The following LTBP1 variants were observed in gnomAD, a reference collection of about 807,000 sequenced individuals.
LTBP1 encodes latent-transforming growth factor beta-binding protein 1.
A neutral mutation model predicts 207.6 loss-of-function variants in LTBP1; 129 were observed. That is an observed-to-expected ratio of 0.62 (90% CI 0.54 to 0.72). LTBP1 has a LOEUF of 0.72. Among genes scored for constraint, LTBP1 ranks in the 30% least tolerant of loss-of-function variants. The pLI, the probability that LTBP1 is intolerant of heterozygous loss-of-function variation, is 0.00. For missense variants in LTBP1, 2,281 were observed against 2,217.2 expected (o/e 1.03, Z -0.58); for synonymous variants, 963 against 833.7 (o/e 1.16, Z -2.67).
intron 5 of LTBP1, among the ~76,000 whole-genome samples, chr2:33,140,297 T>A (rs894820902): frequency 1.3e-5 from 2 of 152,194 alleles, no homozygotes; most frequent in Non-Finnish European, 2.9e-5. Flanking sequence ...GGCAAGCATA[T>A]GGAGTTTTTT....
chr2:33,115,592 G>A (rs1010639373), intron 4 of LTBP1, among the ~76,000 whole-genome samples: 1 of 152,136 alleles, frequency 6.6e-6, no homozygotes, highest in African/African-American at 2.4e-5. Flanking sequence ...CCAAGGAATT[G>A]AGCTCATAAG....
intron 2 of LTBP1, among the ~76,000 whole-genome samples, chr2:32,963,948 G>T (rs1679542258): frequency 6.6e-6 from 1 of 152,202 alleles, no homozygotes; most frequent in African/African-American, 2.4e-5. Flanking sequence ...ATTAATAAAA[G>T]TAACGAAGGA....
At chr2:33,397,324 GACACCCCGT>G (rs749139972) in intron 33 of LTBP1, 42 bp downstream of exon 33, 96 of 1,606,990 alleles carry the variant, frequency 6.0e-5, no homozygotes, top group Non-Finnish European at 8.2e-5. Context: ...ATTTTTTCCT[GACACCCCGT>G]ATCTCAGTCA....
At chr2:33,072,618 G>A (rs1020313282) in intron 3 of LTBP1, among the ~76,000 whole-genome samples, 1 of 152,182 alleles carries the variant, frequency 6.6e-6, no homozygotes, top group Non-Finnish European at 1.5e-5. Flanking sequence ...CAGGTGAAAG[G>A]AAGGCAGAAG....
At position 33,248,830 on chromosome 2, in the gene LTBP1, G is replaced by A. The variant is rs949932146; in HGVS notation, c.2000-3847G>A. On this transcript the variant is annotated intron_variant, in intron 10 of 33. Coordinates refer to ENST00000404816, the MANE Select transcript of LTBP1 (RefSeq NM_206943.4). ...TCGAACTCCTAACCTCACGTGATCC[G>A]CCCACCTCTGCCTCCCAAAGTGGTG... is the stretch of plus-strand genomic sequence containing the variant. 1.2e-4 allele frequency among the ~76,000 whole-genome samples: 18 copies of A among 151,988 alleles called. No individual in the cohort carries two copies. The East Asian group carries it at 1.4e-3, about 11-fold the overall frequency.
chr2:33,358,850 A>G (rs2094895222), intron 26 of LTBP1, among the ~76,000 whole-genome samples: 1 of 152,200 alleles, frequency 6.6e-6, no homozygotes, highest in South Asian at 2.1e-4. Flanking sequence ...ACAATTTAAA[A>G]TACGTACTCT....
rs571355870 is a variant in LTBP1 at position 33,020,044 on chromosome 2, G to A, written c.566-865G>A. ...ACTTTAAAACTCTGTTTGGTCAGGAGTGTGGTGATTCAGAGTACATACATC... is the reference window on the plus strand; with the variant it reads ...ACTTTAAAACTCTGTTTGGTCAGGAATGTGGTGATTCAGAGTACATACATC... On this transcript the variant is annotated intron_variant, in intron 2 of 33. Transcript: ENST00000404816. 1.3e-5 allele frequency among the ~76,000 whole-genome samples: 2 copies of A among 152,236 alleles called. 1 individual carries two copies. The highest frequency in any genetic ancestry group is 4.2e-4 in the South Asian group (2 of 4,818).
At chr2:33,380,162 A>G (rs2095195468) in intron 31 of LTBP1, among the ~76,000 whole-genome samples, 1 of 152,208 alleles carries the variant, frequency 6.6e-6, no homozygotes, top group African/African-American at 2.4e-5. Flanking sequence ...ATTCTGAAAA[A>G]TATCTAGATG....
At chr2:33,150,710 C>CTTTTTTTTTTTTTTTTTTT (rs1176008947) in intron 5 of LTBP1, among the ~76,000 whole-genome samples, 20 of 69,282 alleles carry the variant, frequency 2.9e-4, no homozygotes, top group African/African-American at 4.3e-4. Context: ...TTTTCTTTTT[C>CTTTTTTTTTTTTTTTTTTT]TTTTTTTTTT....
intron 2 of LTBP1, among the ~76,000 whole-genome samples, chr2:32,966,259 A>G (rs1679990734): frequency 6.6e-6 from 1 of 152,130 alleles, no homozygotes; most frequent in African/African-American, 2.4e-5. Flanking sequence ...TCTCTTGAAA[A>G]TATTTTCTTC....
chr2:33,011,157 A>C (rs1041627370), intron 2 of LTBP1, among the ~76,000 whole-genome samples: 1 of 152,142 alleles, frequency 6.6e-6, no homozygotes, highest in Non-Finnish European at 1.5e-5. Context: ...GATTATTTTT[A>C]GGGCTTAATC....
At chr2:33,042,618 A>C (rs1388894661) in intron 3 of LTBP1, among the ~76,000 whole-genome samples, 1 of 152,208 alleles carries the variant, frequency 6.6e-6, no homozygotes, top group Admixed American at 6.5e-5. Flanking sequence ...GCAAGGCCCA[A>C]TTCCCATCCT....
intron 31 of LTBP1, among the ~76,000 whole-genome samples, chr2:33,387,467 G>C (rs2095276292): frequency 6.6e-6 from 1 of 152,224 alleles, no homozygotes; most frequent in African/African-American, 2.4e-5. Flanking sequence ...TCATGCAAAA[G>C]TGCTGGGACG....
intron 2 of LTBP1, among the ~76,000 whole-genome samples, chr2:33,003,802 A>G (rs988433448): frequency 3.3e-5 from 5 of 152,196 alleles, no homozygotes; most frequent in African/African-American, 7.2e-5. Context: ...TCTCACACAT[A>G]TATGCCTGAT....
chr2:33,054,725 C>T (rs559617911), intron 3 of LTBP1, among the ~76,000 whole-genome samples: 2 of 152,286 alleles, frequency 1.3e-5, no homozygotes, highest in East Asian at 3.9e-4. Context: ...AAGGCCGCAC[C>T]AGTGTCCAGG....
At chr2:33,167,492 T>C (rs574870023) in intron 5 of LTBP1, among the ~76,000 whole-genome samples, 72 of 152,296 alleles carry the variant, frequency 4.7e-4, no homozygotes, top group African/African-American at 1.7e-3. Flanking sequence ...CTCATATGCT[T>C]TTGGAGCAGT....
rs758613372 is a variant in LTBP1 at position 33,273,711 on chromosome 2, C to A, written c.2673C>A (p.Asn891Lys). 6.2e-7 allele frequency: 1 copy of A among 1,610,854 alleles called. No homozygotes were observed. The highest frequency in any genetic ancestry group is 2.2e-5 in the East Asian group (1 of 44,740). The part of the protein sequence containing the change: ...PDICGAGHCI[N>K]LPVRYTCICY... ...TCTGTGGAGCAGGACACTGCATTAA[C>A]CTACCAGTGAGATATACCTGTATAT... Residue 891 changes from asparagine to lysine, a missense_variant, in exon 16 of 34, where the codon AAC becomes AAA. Around this residue, in one of 3 missense-constraint regions of LTBP1, gnomAD observed 1,671 missense variants for 1,634.8 expected, o/e 1.02. Transcript: ENST00000404816.
chr2:32,958,736 C>T (rs1226195359), intron 2 of LTBP1, among the ~76,000 whole-genome samples: 1 of 152,064 alleles, frequency 6.6e-6, no homozygotes, highest in Non-Finnish European at 1.5e-5. Flanking sequence ...CAATAATTTC[C>T]ACTTGTTTTT....
chr2:33,238,132 T>C (rs138087940), intron 9 of LTBP1, among the ~76,000 whole-genome samples: 12 of 152,322 alleles, frequency 7.9e-5, no homozygotes, highest in African/African-American at 2.9e-4. Context: ...TTTTTCTGCT[T>C]TCAAGTGGAA....
Sources: gnomAD v4.1 joint callset for allele counts (sites outside exome capture counted in the v4.1 genomes callset) on GRCh38, gnomAD v4.1.1 for gene constraint, gnomAD v4.1.1 regional missense constraint, MANE v1.5 for transcripts, NCBI Gene and HGNC (gene_info 2026-07-23, HGNC 2026-07-21) for gene names.